The following MRTFB variants were observed in gnomAD, a reference collection of about 807,000 sequenced individuals.
The protein encoded by MRTFB is myocardin related transcription factor B, also known as myocardin-related transcription factor B.
Under a neutral mutation model 104.2 loss-of-function variants are expected in MRTFB, and 29 were observed. The observed-to-expected ratio is 0.28, with a 90% confidence interval of 0.21 to 0.38. The LOEUF is 0.38. Among genes scored for constraint, MRTFB ranks in the 10% least tolerant of loss-of-function variants. MRTFB has a pLI of 1.00. For synonymous variants in MRTFB, 535 were observed against 519.5 expected (o/e 1.03, Z -0.41); for missense variants, 1,270 against 1,341.6 (o/e 0.95, Z 0.83).
At chr16:14,002,395 A>T in the MRTFB span, among the ~76,000 whole-genome samples, 3 of 152,116 alleles carry the variant, frequency 2.0e-5, no homozygotes, top group African/African-American at 7.2e-5. Context: ...AAAAAAAAAA[A>T]AGGCAAGGTT....
chr16:14,073,201 G>T (rs2033831440), intron 1 of MRTFB, among the ~76,000 whole-genome samples: 1 of 152,130 alleles, frequency 6.6e-6, no homozygotes, highest in Non-Finnish European at 1.5e-5. Context: ...TTTATAGTGG[G>T]CTTAATCTGC....
At position 14,079,203 on chromosome 16, in the gene MRTFB, T is replaced by TA; in HGVS notation, c.-128-86dup. 4 of 322,108 alleles carry TA rather than the reference T, an allele frequency of 1.2e-5. No homozygotes were observed. In the East Asian group the frequency reaches 1.6e-4, roughly 13 times the overall value. The allele number at this position is 322,108 out of a possible 1,614,324, so 20.0% of individuals were successfully genotyped here. Reference sequence around the variant, plus strand: ...CGATTTTGTTATTTCCAGTTTATCTTAGACTTCACATTCTCCAAGAGACAC... The same window carrying TA: ...CGATTTTGTTATTTCCAGTTTATCTTAAGACTTCACATTCTCCAAGAGACAC... On this transcript the variant is annotated intron_variant, in intron 1 of 16. Coordinates refer to ENST00000571589, the MANE Select transcript of MRTFB (RefSeq NM_001308142.2).
rs374659809 is a variant in MRTFB at position 14,252,552 on chromosome 16, C to T, written c.2703+50C>T. On this transcript the variant is annotated intron_variant, in intron 15 of 16. Transcript: ENST00000571589. ...CATAAGGCTATGGTGGATGTGCCCACGTTCAGTCTCGAGCAGACCTATACA... is the reference window on the plus strand; with the variant it reads ...CATAAGGCTATGGTGGATGTGCCCATGTTCAGTCTCGAGCAGACCTATACA... 2.9e-5 allele frequency: 47 copies of T among 1,605,256 alleles called. No homozygotes were observed. The Admixed American group carries it at 6.4e-4, about 22-fold the overall frequency.
At chr16:14,040,174 T>A in the MRTFB span, among the ~76,000 whole-genome samples, 4 of 152,270 alleles carry the variant, frequency 2.6e-5, no homozygotes, top group Non-Finnish European at 4.4e-5. Context: ...TTACTTTCAA[T>A]GGCAAAAGCC....
At chr16:14,212,451 C>T (rs2041234395) in intron 5 of MRTFB, 42 bp downstream of exon 5, 1 of 1,570,338 alleles carries the variant, frequency 6.4e-7, no homozygotes, top group South Asian at 1.1e-5. Context: ...CTCTCTCCTT[C>T]TCTCCTCTCT....
chr16:14,048,558 C>T, the MRTFB span, among the ~76,000 whole-genome samples: 1 of 152,112 alleles, frequency 6.6e-6, no homozygotes, highest in Non-Finnish European at 1.5e-5. Flanking sequence ...CAGAGGAAGA[C>T]ACAGGGGCCA....
intron 9 of MRTFB, among the ~76,000 whole-genome samples, chr16:14,239,348 G>T (rs1466856980): frequency 6.6e-6 from 1 of 152,218 alleles, no homozygotes; most frequent in African/African-American, 2.4e-5. Context: ...GCAGAATGCA[G>T]TGAGTTTTGT....
chr16:14,128,643 A>G (rs1027142266), intron 2 of MRTFB, among the ~76,000 whole-genome samples: 1 of 152,178 alleles, frequency 6.6e-6, no homozygotes, highest in Non-Finnish European at 1.5e-5. Context: ...TATCAGTATC[A>G]CCTGGAGAGA....
chr16:14,060,684 C>T, the MRTFB span, among the ~76,000 whole-genome samples: 5 of 152,022 alleles, frequency 3.3e-5, no homozygotes, highest in African/African-American at 9.7e-5. Flanking sequence ...GTGTGTTGAA[C>T]CAGAATCTTT....
At position 14,247,094 on chromosome 16, in the gene MRTFB, C is replaced by T. The variant is rs763838057; in HGVS notation, c.1834C>T (p.Arg612Trp). The T allele has an allele frequency of 9.3e-6, 15 of 1,614,044 alleles. No individual in the cohort carries two copies. Among genetic ancestry groups the T allele is most frequent in the Non-Finnish European group, 1.2e-5 (14 of 1,180,052 alleles). Residue 612 changes from arginine to tryptophan, a missense_variant, in exon 12 of 17, where the codon CGG becomes TGG. By Grantham distance (101) the Arg-to-Trp change is moderately radical. Coordinates refer to ENST00000571589, the MANE Select transcript of MRTFB (RefSeq NM_001308142.2). ...LEVEKRGQQQ[R>W]PLEAQPSAPG... ...GGTTGAAAAACGAGGGCAGCAGCAG[C>T]GGCCCCTGGAAGCCCAGCCCAGTGC...
chr16:14,128,148 T>C (rs555153708), intron 2 of MRTFB, among the ~76,000 whole-genome samples: 44 of 151,878 alleles, frequency 2.9e-4, no homozygotes, highest in African/African-American at 1.0e-3. Flanking sequence ...ATGTTTATGG[T>C]TGAGGAAGTG....
chr16:14,245,028 T>TG, intron 10 of MRTFB, among the ~76,000 whole-genome samples: 1 of 152,206 alleles, frequency 6.6e-6, no homozygotes, highest in Non-Finnish European at 1.5e-5. Context: ...TCAAGAGCCA[T>TG]GTTTTTTTCT....
intron 8 of MRTFB, among the ~76,000 whole-genome samples, chr16:14,221,251 C>A (rs1340048821): frequency 6.6e-6 from 1 of 152,024 alleles, no homozygotes; most frequent in Admixed American, 6.6e-5. Context: ...TCACTGTTAT[C>A]CAGTGTTTGG....
chr16:14,204,498 A>AT (rs1414168166), intron 3 of MRTFB, among the ~76,000 whole-genome samples: 14 of 152,130 alleles, frequency 9.2e-5, no homozygotes, highest in Non-Finnish European at 1.8e-4. Flanking sequence ...GCTACCTTTC[A>AT]TTTTTTTGGA....
chr16:14,143,183 T>C (rs2038104017), intron 3 of MRTFB: 2 of 151,098 alleles, frequency 1.3e-5, no homozygotes, highest in East Asian at 3.9e-4. Context: ...TTTTTTTCAT[T>C]AGGCAAACAT....
the MRTFB span, among the ~76,000 whole-genome samples, chr16:14,011,153 G>C: frequency 1.3e-5 from 2 of 152,306 alleles, 1 homozygote; most frequent in South Asian, 4.1e-4. Context: ...TGAAATTGTT[G>C]GGCGATGTCA....
the MRTFB span, among the ~76,000 whole-genome samples, chr16:14,012,303 T>C: frequency 5.0e-5 from 7 of 139,802 alleles, no homozygotes; most frequent in Non-Finnish European, 6.1e-5. Context: ...TTCTTTCTTT[T>C]TTTTTTTTTT....
the MRTFB span, among the ~76,000 whole-genome samples, chr16:14,020,183 C>G: frequency 6.6e-6 from 1 of 152,252 alleles, no homozygotes; most frequent in African/African-American, 2.4e-5. Context: ...AGCTTCCCCT[C>G]CCCTGGAACA....
At chr16:14,039,960 C>G in the MRTFB span, among the ~76,000 whole-genome samples, 9 of 152,096 alleles carry the variant, frequency 5.9e-5, no homozygotes, top group African/African-American at 2.2e-4. Context: ...GTTGGTCAGG[C>G]TGGTCTTGAA....
Sources: gnomAD v4.1 joint callset for allele counts (sites outside exome capture counted in the v4.1 genomes callset) on GRCh38, gnomAD v4.1.1 for gene constraint, MANE v1.5 for transcripts, NCBI Gene and HGNC (gene_info 2026-07-23, HGNC 2026-07-21) for gene names.